The following CSMD3 variants were observed in gnomAD, a reference collection of about 807,000 sequenced individuals.
The protein encoded by CSMD3 is CUB and sushi domain-containing protein 3.
Under a neutral mutation model 435.2 loss-of-function variants are expected in CSMD3, and 177 were observed. The observed-to-expected ratio is 0.41, with a 90% confidence interval of 0.36 to 0.46. The LOEUF (loss-of-function observed/expected upper bound fraction) is 0.46. Ranked by LOEUF, CSMD3 falls within the 20% of genes least tolerant of loss-of-function variation. The pLI is 0.34. For synonymous variants in CSMD3, 1,656 were observed against 1,520.5 expected (o/e 1.09, Z -2.07); for missense variants, 4,265 against 4,504.6 (o/e 0.95, Z 1.52).
At chr8:112,493,590 C>T (rs1188635087) in intron 30 of CSMD3, among the ~76,000 whole-genome samples, 7 of 152,048 alleles carry the variant, frequency 4.6e-5, no homozygotes, top group Non-Finnish European at 8.8e-5. Flanking sequence ...GATTTTCTAT[C>T]CCTATGCAAA....
At chr8:112,555,223 T>C (rs1009809962) in intron 25 of CSMD3, among the ~76,000 whole-genome samples, 5 of 152,004 alleles carry the variant, frequency 3.3e-5, no homozygotes, top group African/African-American at 1.2e-4. Context: ...AACCTTCTGA[T>C]CTCATACTAA....
chr8:113,153,400 G>C (rs1033804265), intron 4 of CSMD3, among the ~76,000 whole-genome samples: 2 of 151,962 alleles, frequency 1.3e-5, no homozygotes, highest in African/African-American at 4.8e-5. Flanking sequence ...TATTATAAGA[G>C]GCATAATTAA....
intron 4 of CSMD3, among the ~76,000 whole-genome samples, chr8:113,165,517 A>G (rs1383610431): frequency 6.6e-6 from 1 of 152,192 alleles, no homozygotes. Context: ...TGTGTAAGCA[A>G]TGAAGACTCA....
chr8:112,989,923 G>T (rs2085390481), intron 6 of CSMD3, among the ~76,000 whole-genome samples: 1 of 151,884 alleles, frequency 6.6e-6, no homozygotes, highest in Non-Finnish European at 1.5e-5. Context: ...TTGAATCATG[G>T]GGGCAGTTTT....
At chr8:112,695,152 T>C (rs565072194) in intron 13 of CSMD3, among the ~76,000 whole-genome samples, 7 of 152,306 alleles carry the variant, frequency 4.6e-5, no homozygotes, top group Non-Finnish European at 7.4e-5. Context: ...GACACTCAAA[T>C]ACTGACACAT....
At chr8:113,363,849 T>C (rs1025618172) in intron 1 of CSMD3, among the ~76,000 whole-genome samples, 2 of 152,176 alleles carry the variant, frequency 1.3e-5, no homozygotes, top group Admixed American at 6.5e-5. Context: ...GCCTACTATA[T>C]AGATCAGAAT....
intron 1 of CSMD3, among the ~76,000 whole-genome samples, chr8:113,339,442 C>A (rs2094102095): frequency 1.3e-5 from 2 of 151,586 alleles, no homozygotes; most frequent in African/African-American, 4.8e-5. Context: ...AGGTTGTTAC[C>A]AAAAAAATGC....
At chr8:112,707,928 T>C (rs2076533727) in intron 13 of CSMD3, among the ~76,000 whole-genome samples, 1 of 152,088 alleles carries the variant, frequency 6.6e-6, no homozygotes, top group African/African-American at 2.4e-5. Context: ...TTAACAATAG[T>C]ACATGCCAGA....
At chr8:112,422,491 T>G (rs974909840) in intron 32 of CSMD3, among the ~76,000 whole-genome samples, 10 of 152,168 alleles carry the variant, frequency 6.6e-5, no homozygotes, top group Non-Finnish European at 1.5e-4. Context: ...ACGTTAGTCA[T>G]AGAGAGTTGG....
intron 32 of CSMD3, among the ~76,000 whole-genome samples, chr8:112,410,375 A>G (rs568529964): frequency 1.3e-5 from 2 of 151,068 alleles, no homozygotes; most frequent in Non-Finnish European, 3.0e-5. Context: ...CCACCTAACC[A>G]GACACATGCC....
At chr8:113,203,403 G>A (rs1588268389) in intron 3 of CSMD3, among the ~76,000 whole-genome samples, 1 of 151,464 alleles carries the variant, frequency 6.6e-6, no homozygotes, top group East Asian at 1.9e-4. Flanking sequence ...GACCTCTTGG[G>A]CTCAAATGAC....
intron 1 of CSMD3, among the ~76,000 whole-genome samples, chr8:113,413,091 T>TAGATCTTTGGCCAACTTTCAGTTTAGAA (rs1563797501): frequency 1.3e-5 from 2 of 152,168 alleles, no homozygotes; most frequent in African/African-American, 4.8e-5. Flanking sequence ...TAATTACAAA[T>TAGATCTTTGGCCAACTTTCAGTTTAGAA]AGATCTTTGG....
At chr8:112,232,287 G>A (rs897558582) in intron 68 of CSMD3, among the ~76,000 whole-genome samples, 1 of 152,198 alleles carries the variant, frequency 6.6e-6, no homozygotes, top group African/African-American at 2.4e-5. Flanking sequence ...GATAGCTAAA[G>A]GCTGTGGAGT....
In CSMD3 at chr8:112,536,473, T is replaced by C. The variant is rs555517290; in HGVS notation, c.4564+14198A>G. ...AATGCAAATCAAAACCACAATGAGA[T>C]ACCATCTCACACCAGTTAGAATGGC... is the stretch of plus-strand genomic sequence containing the variant. On this transcript the variant is annotated intron_variant, in intron 27 of 70. Transcript: ENST00000297405. Among the ~76,000 whole-genome samples the C allele has an allele frequency of 6.8e-3, 1,028 of 152,160 alleles. 13 individuals carry two copies. Among genetic ancestry groups the C allele is most frequent in the African/African-American group, 0.023 (967 of 41,522 alleles).
At chr8:112,919,035 C>T (rs1310116907) in intron 10 of CSMD3, among the ~76,000 whole-genome samples, 3 of 151,848 alleles carry the variant, frequency 2.0e-5, no homozygotes, top group Admixed American at 6.6e-5. Flanking sequence ...CCACTACCAC[C>T]GCCAGTAATT....
At chr8:113,428,676 T>C (rs1273115631) in intron 1 of CSMD3, among the ~76,000 whole-genome samples, 1 of 151,884 alleles carries the variant, frequency 6.6e-6, no homozygotes, top group African/African-American at 2.4e-5. Context: ...AAGAATTTTA[T>C]CCCGGTACCA....
chr8:112,494,528 T>C lies in CSMD3; in HGVS notation c.5084-1845A>G, dbSNP rs1011258031. Among the ~76,000 whole-genome samples, 57 of 140,694 alleles carry C rather than the reference T, an allele frequency of 4.1e-4. 1 individual carries two copies. Among genetic ancestry groups the C allele is most frequent in the African/African-American group, 1.4e-3 (53 of 36,640 alleles). The allele number at this position is 140,694 out of a possible 152,430, so 92.3% of individuals were successfully genotyped here. On this transcript the variant is annotated intron_variant, in intron 30 of 70. Coordinates refer to ENST00000297405, the MANE Select transcript of CSMD3 (RefSeq NM_198123.2). ...CTTTCTTTCTTTCTTTCTTTCTTTC[T>C]TTCTTTCTTTCTTTCTTTCTTTCTT...
At chr8:113,220,910 A>G (rs1184639628) in intron 3 of CSMD3, among the ~76,000 whole-genome samples, 1 of 151,386 alleles carries the variant, frequency 6.6e-6, no homozygotes, top group Non-Finnish European at 1.5e-5. Flanking sequence ...ATTCCAGCTG[A>G]GAATTCATAA....
intron 22 of CSMD3, among the ~76,000 whole-genome samples, chr8:112,608,804 A>T (rs1833001107): frequency 6.6e-6 from 1 of 152,060 alleles, no homozygotes; most frequent in Admixed American, 6.6e-5. Context: ...AAATGCAAAA[A>T]TATGAAACTG....
Sources: gnomAD v4.1 joint callset for allele counts (sites outside exome capture counted in the v4.1 genomes callset) on GRCh38, gnomAD v4.1.1 for gene constraint, MANE v1.5 for transcripts, NCBI Gene and HGNC (gene_info 2026-07-23, HGNC 2026-07-21) for gene names.